Variants in EP300 observed in about 807,000 individuals in gnomAD.
EP300 encodes the protein histone acetyltransferase p300.
EP300 carries 31 observed loss-of-function variants against 264.0 expected under a neutral mutation model. The observed-to-expected ratio is 0.12, with a 90% CI of 0.09 to 0.16. The LOEUF (loss-of-function observed/expected upper bound fraction) is 0.16. Among genes scored for constraint, EP300 ranks in the 10% least tolerant of loss-of-function variants. EP300 has a pLI of 1.00. For synonymous variants in EP300, 1,340 were observed against 1,045.4 expected, an observed-to-expected ratio of 1.28 and a Z score of -5.44; for missense variants, 2,766 against 3,052.9, an observed-to-expected ratio of 0.91 and a Z score of 2.21.
At chr22:41,167,617 T>C (rs1601632137) in intron 23 of EP300, among the ~76,000 whole-genome samples, 2 of 56,328 alleles carry the variant, frequency 3.6e-5, no homozygotes, top group East Asian at 1.4e-3. Flanking sequence ...TATATATATA[T>C]ATATATATAT....
Position 41,126,729 on chromosome 22 carries a change from C to CTTTTTTTTTTTTTT in EP300, c.906+708_906+721dup, listed in dbSNP as rs71328775. 6.3e-4 allele frequency among the ~76,000 whole-genome samples: 31 copies of CTTTTTTTTTTTTTT among 48,828 alleles called. 10 individuals carry two copies. Among genetic ancestry groups the CTTTTTTTTTTTTTT allele is most frequent in the Admixed American group, 1.5e-3 (4 of 2,702 alleles). 32.0% of individuals were successfully genotyped at this position (48,828 alleles called of 152,430 possible). On this transcript the variant is annotated intron_variant, in intron 3 of 30. Transcript: ENST00000263253. ...TCATCTCTGTCCCGAGAAATGTTCA[C>CTTTTTTTTTTTTTT]TTTTTTTTTTTTTTTTTTTTTTTTT...
Position 41,177,831 on chromosome 22 carries a change from A to C in EP300, c.6120A>C (p.Pro2040=). The change falls in exon 31 of 31, where the codon CCA becomes CCC. Residue 2040 remains proline (P), a synonymous_variant. Coordinates refer to ENST00000263253, the MANE Select transcript of EP300 (RefSeq NM_001429.4). ...QPGLGQVGIS[P]LKPGTVSQQA... is the part of the protein sequence containing the mutation. ...GATTGGGCCAGGTAGGTATCAGCCC[A>C]CTCAAACCAGGCACTGTGTCTCAAC... is the stretch of plus-strand genomic sequence containing the variant. 1.2e-6 allele frequency: 2 copies of C among 1,614,048 alleles called. No individual in the cohort carries two copies. Among genetic ancestry groups the C allele is most frequent in the Middle Eastern group, 1.6e-4 (1 of 6,062 alleles).
At chr22:41,166,464 G>A in intron 22 of EP300, 135 bp from the exon 23 acceptor site, 1 of 671,506 alleles carries the variant, frequency 1.5e-6, no homozygotes, top group East Asian at 2.8e-5. Flanking sequence ...AGCTCTTTGT[G>A]TATTAGTTTT....
In EP300 at chr22:41,176,684, G is replaced by T. The variant is rs1359352772; in HGVS notation, c.5062-89G>T. 3 of 1,612,394 alleles carry T rather than the reference G, an allele frequency of 1.9e-6. No homozygotes were observed. In the African/African-American group the frequency reaches 4.0e-5, roughly 22 times the overall value. ...AGAGGCTAGTTTTTGTTCTACGAAA[G>T]GGGCTTTTCTAGCCCAAACAATATC... On this transcript the variant is annotated intron_variant, in intron 30 of 30. Transcript: ENST00000263253.
intron 2 of EP300, among the ~76,000 whole-genome samples, chr22:41,119,282 C>G (rs908131936): frequency 6.6e-6 from 1 of 151,020 alleles, no homozygotes; most frequent in Non-Finnish European, 1.5e-5. Flanking sequence ...CTCAGCCTCC[C>G]AAAGTGCCAG....
rs747710183 is a variant in EP300 at position 41,149,020 on chromosome 22, G to GTT, written c.2242-5_2242-4dup. On this transcript the variant is annotated splice_polypyrimidine_tract_variant and intron_variant, in intron 12 of 30. Coordinates refer to ENST00000263253, the MANE Select transcript of EP300 (RefSeq NM_001429.4). ...ATAATGAAGCAGTTTGGTGATTTGT[G>GTT]TTTTTTTTTTTTTTCAGCCTATGGG... 1,236 of 1,443,024 alleles carry GTT rather than the reference G, an allele frequency of 8.6e-4. No individual in the cohort carries two copies. Among genetic ancestry groups the GTT allele is most frequent in the African/African-American group, 2.7e-3 (179 of 65,608 alleles). The allele number at this position is 1,443,024 out of a possible 1,614,324, so 89.4% of individuals were successfully genotyped here.
At chr22:41,150,522 C>G (rs916124750) in intron 14 of EP300, among the ~76,000 whole-genome samples, 1 of 152,120 alleles carries the variant, frequency 6.6e-6, no homozygotes, top group Non-Finnish European at 1.5e-5. Context: ...TAGTGCAGCA[C>G]ATAAATTTTA....
Position 41,127,565 on chromosome 22 carries a change from A to G in EP300, c.985A>G (p.Thr329Ala), listed in dbSNP as rs2145710174. Residue 329 changes from threonine (T) to alanine (A), a missense_variant, in exon 4 of 31, where the codon ACA becomes GCA. Physicochemically the swap from Thr to Ala is moderately conservative, Grantham distance 58 (BLOSUM62 0). Transcript: ENST00000263253. ...VAQGMGSGAH[T>A]ADPEKRKLIQ... ...CCAAGGGATGGGTTCTGGAGCACAT[A>G]CAGCTGATCCAGAGAAGCGCAAGCT... The G allele has an allele frequency of 6.2e-7, 1 of 1,614,240 alleles. No individual in the cohort carries two copies. Among genetic ancestry groups the G allele is most frequent in the Non-Finnish European group, 8.5e-7 (1 of 1,180,038 alleles).
intron 1 of EP300, among the ~76,000 whole-genome samples, chr22:41,110,679 C>T (rs1411121434): frequency 1.3e-5 from 2 of 152,102 alleles, no homozygotes; most frequent in Non-Finnish European, 2.9e-5. Flanking sequence ...ACTAGGATTA[C>T]AGGCGTGAGC....
At chr22:41,110,871 G>A (rs925281502) in intron 1 of EP300, among the ~76,000 whole-genome samples, 3 of 151,686 alleles carry the variant, frequency 2.0e-5, no homozygotes, top group African/African-American at 7.3e-5. Context: ...GGATTTCTAA[G>A]TGTTTGAGAT....
intron 29 of EP300, among the ~76,000 whole-genome samples, chr22:41,174,141 C>CT (rs35333608): frequency 0.25 from 38,177 of 151,224 alleles, 5,723 homozygotes; most frequent in Admixed American, 0.45. Flanking sequence ...AATAAAAACA[C>CT]TGACTGTTCG....
At chr22:41,122,105 C>T in intron 2 of EP300, among the ~76,000 whole-genome samples, 1 of 147,490 alleles carries the variant, frequency 6.8e-6, no homozygotes, top group African/African-American at 2.5e-5. Context: ...CCCCTGCAAT[C>T]TTTTGGCCAT....
In EP300 at chr22:41,170,300, G is replaced by C. The variant is rs565387219; in HGVS notation, c.4287-106G>C. 1.4e-5 allele frequency: 16 copies of C among 1,105,688 alleles called. No individual in the cohort carries two copies. The East Asian group carries it at 3.9e-4, about 27-fold the overall frequency. The allele number at this position is 1,105,688 out of a possible 1,614,324, so 68.5% of individuals were successfully genotyped here. A position where few individuals can be genotyped will look rare whatever the true frequency, so the allele number is the denominator to read the frequency against. ...GTTATATATACACTGTGTTATCTTGGGAAAAATTATTGGTATCTATATCAA... is the reference window on the plus strand; with the variant it reads ...GTTATATATACACTGTGTTATCTTGCGAAAAATTATTGGTATCTATATCAA... On this transcript the variant is annotated intron_variant, in intron 26 of 30. Transcript: ENST00000263253.
At position 41,146,741 on chromosome 22, in the gene EP300, G is replaced by C. The variant is rs1466693116; in HGVS notation, c.2056G>C (p.Gly686Arg). The change falls in exon 11 of 31, where the codon GGC becomes CGC. Residue 686 changes from glycine (G) to arginine (R), a missense_variant and splice_region_variant. By Grantham distance (125) the Gly-to-Arg change is moderately radical. Coordinates refer to ENST00000263253, the MANE Select transcript of EP300 (RefSeq NM_001429.4). ...CTTATTTCTCTTTTTTACTCTAGAT[G>C]GCCCTCTACCTGACCCAAGTATGAT... ...GQPQPGMTSN[G>R]PLPDPSMIRG... The C allele has an allele frequency of 1.9e-6, 3 of 1,614,000 alleles. No individual in the cohort carries two copies. The highest frequency in any genetic ancestry group is 2.5e-6 in the Non-Finnish European group (3 of 1,179,886).
At chr22:41,176,191 G>T (rs1732888457) in intron 29 of EP300, 56 bp from the exon 30 acceptor site, 3 of 1,605,782 alleles carry the variant, frequency 1.9e-6, no homozygotes, top group Middle Eastern at 1.7e-4. Flanking sequence ...CTGCATTCCA[G>T]CCTGGATGAC....
At chr22:41,127,448 T>A (rs1008695004) in intron 3 of EP300, 39 bp from the exon 4 acceptor site, 6 of 1,611,988 alleles carry the variant, frequency 3.7e-6, no homozygotes, top group Non-Finnish European at 4.2e-6. Context: ...AATAGCACAT[T>A]ATGACTCCTA....
At chr22:41,114,553 T>G (rs950146150) in intron 1 of EP300, among the ~76,000 whole-genome samples, 1 of 152,220 alleles carries the variant, frequency 6.6e-6, no homozygotes, top group Non-Finnish European at 1.5e-5. Context: ...CTCTGGACTC[T>G]AAATTATGCC....
At chr22:41,106,362 C>T (rs1244248157) in intron 1 of EP300, among the ~76,000 whole-genome samples, 1 of 152,092 alleles carries the variant, frequency 6.6e-6, no homozygotes, top group Non-Finnish European at 1.5e-5. Flanking sequence ...TTTTCAACTC[C>T]ATTCTTTTTT....
chr22:41,170,364 A>AT, intron 26 of EP300, 42 bp from the exon 27 acceptor site: 1 of 1,584,930 alleles, frequency 6.3e-7, no homozygotes. Flanking sequence ...TCTAGAATAG[A>AT]TTATCTCTTT....
Sources: gnomAD v4.1 joint callset for allele counts (sites outside exome capture counted in the v4.1 genomes callset) on GRCh38, gnomAD v4.1.1 for gene constraint, MANE v1.5 for transcripts, NCBI Gene and HGNC (gene_info 2026-07-23, HGNC 2026-07-21) for gene names.